The following AMMECR1 variants were observed in gnomAD, a reference collection of about 807,000 sequenced individuals.
The protein encoded by AMMECR1 is AMMECR nuclear protein 1, also known as nuclear protein AMMECR1.
Under a neutral mutation model 22.5 loss-of-function variants are expected in AMMECR1, and 3 were observed. The ratio of observed to expected loss-of-function variants is 0.13; its 90% CI spans 0.06 to 0.35. AMMECR1 has a LOEUF of 0.35. Ranked by LOEUF, AMMECR1 falls within the 10% of genes least tolerant of loss-of-function variation. AMMECR1 has a pLI of 1.00. For missense variants in AMMECR1, 235 were observed against 278.7 expected (o/e 0.84, Z 1.12); for synonymous variants, 130 against 116.7 (o/e 1.11, Z -0.74).
intron 2 of AMMECR1, among the ~76,000 whole-genome samples, chrX:110,392,278 T>C (rs1266447254): frequency 2.0e-5 from 2 of 102,443 alleles, no homozygotes; most frequent in African/African-American, 7.2e-5. Flanking sequence ...ACAGGTTTTT[T>C]TTTTTTTTTT....
intron 2 of AMMECR1, among the ~76,000 whole-genome samples, chrX:110,256,628 C>T (rs1318329985): frequency 9.0e-6 from 1 of 111,129 alleles, no homozygotes; most frequent in Non-Finnish European, 1.9e-5. Context: ...AGATAAAGGA[C>T]TTACGATGCA....
At chrX:110,289,281 G>C (rs1269587468) in intron 1 of AMMECR1, among the ~76,000 whole-genome samples, 1 of 111,396 alleles carries the variant, frequency 9.0e-6, no homozygotes, top group Admixed American at 9.6e-5. Flanking sequence ...GCAAGGTACA[G>C]AAGGCACATA....
At chrX:110,383,464 T>C (rs976346329) in intron 2 of AMMECR1, among the ~76,000 whole-genome samples, 15 of 111,234 alleles carry the variant, frequency 1.3e-4, no homozygotes, top group African/African-American at 4.3e-4. Flanking sequence ...TCTTCTACTG[T>C]ATATAAGGTC....
At chrX:110,380,367 T>C (rs1237709911) in intron 2 of AMMECR1, among the ~76,000 whole-genome samples, 3 of 111,130 alleles carry the variant, frequency 2.7e-5, no homozygotes, top group African/African-American at 9.8e-5. Context: ...AAAAATTAAA[T>C]ACCTAAGAAT....
chrX:110,279,552 G>T (rs1001777328), intron 1 of AMMECR1, among the ~76,000 whole-genome samples: 4 of 111,833 alleles, frequency 3.6e-5, no homozygotes, highest in Non-Finnish European at 5.7e-5. Flanking sequence ...AGTTTGATTA[G>T]AGAAGGCTGG....
chrX:110,204,322 T>C (rs999809605), intron 3 of AMMECR1, among the ~76,000 whole-genome samples: 9 of 111,641 alleles, frequency 8.1e-5, no homozygotes, highest in African/African-American at 2.6e-4. Context: ...AAACCCGTCA[T>C]GTTAAAATTG....
At chrX:110,429,436 C>T (rs764234412) in intron 1 of AMMECR1, among the ~76,000 whole-genome samples, 1 of 108,860 alleles carries the variant, frequency 9.2e-6, no homozygotes, top group East Asian at 2.8e-4. Flanking sequence ...ATCTATAAAA[C>T]GATGATACTT....
chrX:110,429,107 T>A (rs1316152396), intron 1 of AMMECR1, among the ~76,000 whole-genome samples: 2 of 112,010 alleles, frequency 1.8e-5, no homozygotes, highest in Admixed American at 1.9e-4. Flanking sequence ...ATTGCTCAAT[T>A]CTCATCTCCT....
intron 1 of AMMECR1, among the ~76,000 whole-genome samples, chrX:110,273,399 T>C (rs988908126): frequency 1.8e-5 from 2 of 112,129 alleles, no homozygotes; most frequent in African/African-American, 3.2e-5. Flanking sequence ...TGGATGTTAG[T>C]CCTTTGTCAG....
chrX:110,236,420 C>A (rs1040295936), intron 2 of AMMECR1, among the ~76,000 whole-genome samples: 1 of 111,689 alleles, frequency 9.0e-6, no homozygotes, highest in African/African-American at 3.3e-5. Flanking sequence ...CACCTAAACT[C>A]ACAAGGTCTT....
intron 2 of AMMECR1, among the ~76,000 whole-genome samples, chrX:110,258,076 G>A (rs762174128): frequency 8.9e-6 from 1 of 111,748 alleles, no homozygotes; most frequent in Non-Finnish European, 1.9e-5. Flanking sequence ...GGCCTTTTCT[G>A]CCCCAGGCAT....
intron 2 of AMMECR1, among the ~76,000 whole-genome samples, chrX:110,235,414 A>G (rs1305001218): frequency 8.9e-6 from 1 of 112,583 alleles, no homozygotes; most frequent in Non-Finnish European, 1.9e-5. Context: ...ATTGTGGAAG[A>G]CAGTGTGGAG....
chrX:110,245,895 ATC>A (rs776552834), intron 2 of AMMECR1, among the ~76,000 whole-genome samples: 1 of 111,581 alleles, frequency 9.0e-6, no homozygotes, highest in Non-Finnish European at 1.9e-5. Context: ...AAAAATGACC[ATC>A]TCTCTCGTAG....
intron 2 of AMMECR1, among the ~76,000 whole-genome samples, chrX:110,388,313 C>A (rs951242040): frequency 1.1e-4 from 12 of 112,014 alleles, no homozygotes; most frequent in African/African-American, 1.9e-4. Context: ...TGATAGGATT[C>A]TGAAGAACTC....
intron 2 of AMMECR1, among the ~76,000 whole-genome samples, chrX:110,398,340 A>C (rs779114072): frequency 7.1e-5 from 8 of 112,156 alleles, no homozygotes; most frequent in Non-Finnish European, 1.1e-4. Context: ...GAAAGACATC[A>C]AACTATTTAT....
At chrX:110,249,827 G>A (rs921490270) in intron 2 of AMMECR1, among the ~76,000 whole-genome samples, 3 of 111,721 alleles carry the variant, frequency 2.7e-5, no homozygotes, top group African/African-American at 9.8e-5. Context: ...TTGAACCTGG[G>A]AGGCAGAGGT....
At chrX:110,331,164 G>T (rs747391995) in intron 2 of AMMECR1, among the ~76,000 whole-genome samples, 1 of 108,487 alleles carries the variant, frequency 9.2e-6, no homozygotes, top group East Asian at 2.9e-4. Flanking sequence ...CTCTTTTAGG[G>T]TCTTCTCTTA....
intron 2 of AMMECR1, among the ~76,000 whole-genome samples, chrX:110,377,346 C>T (rs1371742201): frequency 9.0e-6 from 1 of 111,693 alleles, no homozygotes; most frequent in Admixed American, 9.5e-5. Flanking sequence ...CGTGAAATGG[C>T]CAGAATAGCG....
intron 2 of AMMECR1, among the ~76,000 whole-genome samples, chrX:110,347,262 A>G (rs2068194254): frequency 8.8e-6 from 1 of 113,297 alleles, no homozygotes; most frequent in South Asian, 3.5e-4. Context: ...ATGCCCTGCT[A>G]TTGTTAGCTT....
Sources: allele counts gnomAD v4.1 joint callset (sites outside exome capture counted in the v4.1 genomes callset), GRCh38; gene constraint gnomAD v4.1.1; transcripts MANE v1.5; gene names NCBI Gene and HGNC (gene_info 2026-07-23, HGNC 2026-07-21).